The following DEUP1 variants were observed in gnomAD, a reference collection of about 807,000 sequenced individuals.
DEUP1 encodes deuterosome assembly protein 1, also known as coiled-coil domain containing 67.
A neutral mutation model predicts 87.4 loss-of-function variants in DEUP1; 82 were observed. That is an observed-to-expected ratio of 0.94 (90% confidence interval 0.78 to 1.13). DEUP1 has a LOEUF of 1.13. Among genes scored for constraint, DEUP1 ranks in the 50% most tolerant of loss-of-function variants. DEUP1 has a pLI of 0.00. For missense variants in DEUP1, 663 were observed against 681.5 expected (o/e 0.97, Z 0.30); for synonymous variants, 214 against 222.7 (o/e 0.96, Z 0.35).
chr11:93,415,142 T>C, intron 13 of DEUP1, 28 bp downstream of exon 13: 1 of 1,347,668 alleles, frequency 7.4e-7, no homozygotes, highest in Non-Finnish European at 1.1e-6. Context: ...GGCTTTTTTT[T>C]TCTTTAATGG....
In DEUP1 at chr11:93,354,278, A is replaced by T. The variant is rs182390591; in HGVS notation, c.30-1093A>T. ...TACTCCAGTTCCCAACAAGTTCCTC[A>T]TCTCCATCTGGGACCACCTCAGCCT... On this transcript the variant is annotated intron_variant, in intron 2 of 13. Coordinates refer to ENST00000298050, the MANE Select transcript of DEUP1 (RefSeq NM_181645.4). Among the ~76,000 whole-genome samples the T allele has an allele frequency of 2.4e-3, 358 of 152,216 alleles. 1 individual carries two copies. Among genetic ancestry groups the T allele is most frequent in the African/African-American group, 8.0e-3 (333 of 41,546 alleles).
chr11:93,356,682 C>T (rs1311158159), intron 3 of DEUP1, among the ~76,000 whole-genome samples: 2 of 152,126 alleles, frequency 1.3e-5, no homozygotes, highest in African/African-American at 4.8e-5. Flanking sequence ...AAAGTAAATT[C>T]TAACCCTGAA....
intron 2 of DEUP1, among the ~76,000 whole-genome samples, chr11:93,343,825 A>G (rs1217580620): frequency 1.3e-5 from 2 of 152,212 alleles, no homozygotes; most frequent in East Asian, 3.8e-4. Flanking sequence ...CAAGGCCTTT[A>G]TAAGTACATT....
chr11:93,428,668 A>C (rs1591274387), intron 13 of DEUP1, among the ~76,000 whole-genome samples: 1 of 152,200 alleles, frequency 6.6e-6, no homozygotes. Context: ...AAGTTTTTAA[A>C]GTGTACTTAC....
chr11:93,336,368 A>G (rs1048503539), intron 2 of DEUP1, among the ~76,000 whole-genome samples: 12 of 151,048 alleles, frequency 7.9e-5, no homozygotes, highest in African/African-American at 2.9e-4. Flanking sequence ...GGGAATTACA[A>G]TTCGACATGA....
At chr11:93,362,177 C>T (rs778770635) in intron 4 of DEUP1, among the ~76,000 whole-genome samples, 9 of 151,918 alleles carry the variant, frequency 5.9e-5, no homozygotes, top group Non-Finnish European at 1.3e-4. Context: ...TTAGATATGG[C>T]ATCAAAAGGA....
chr11:93,368,167 A>G (rs1024282681), intron 5 of DEUP1, among the ~76,000 whole-genome samples: 5 of 152,220 alleles, frequency 3.3e-5, no homozygotes, highest in African/African-American at 1.2e-4. Context: ...TGCTTCTACC[A>G]TTTCTTTCCC....
intron 7 of DEUP1, among the ~76,000 whole-genome samples, chr11:93,373,989 G>A (rs1302662781): frequency 6.6e-6 from 1 of 152,092 alleles, no homozygotes; most frequent in Non-Finnish European, 1.5e-5. Flanking sequence ...GCAGGAGTAA[G>A]GTGGTATTGC....
At chr11:93,430,962 G>A (rs1030370379) in intron 13 of DEUP1, among the ~76,000 whole-genome samples, 1 of 151,948 alleles carries the variant, frequency 6.6e-6, no homozygotes, top group African/African-American at 2.4e-5. Context: ...TGGGCGTGGT[G>A]GCACATGCCT....
chr11:93,343,298 T>A (rs1463575286), intron 2 of DEUP1, among the ~76,000 whole-genome samples: 1 of 152,196 alleles, frequency 6.6e-6, no homozygotes, highest in Non-Finnish European at 1.5e-5. Context: ...AATAACTACC[T>A]TCAAACACAC....
chr11:93,396,708 T>C (rs1037358810), intron 11 of DEUP1, among the ~76,000 whole-genome samples: 11 of 152,198 alleles, frequency 7.2e-5, no homozygotes, highest in African/African-American at 2.4e-4. Context: ...ATTTAGTTCG[T>C]ATTTTGTTCT....
At chr11:93,412,178 A>T (rs114406416) in intron 12 of DEUP1, among the ~76,000 whole-genome samples, 2 of 152,200 alleles carry the variant, frequency 1.3e-5, no homozygotes, top group African/African-American at 2.4e-5. Flanking sequence ...CTGGATGTAC[A>T]TGTCCAACAA....
At chr11:93,416,555 A>C (rs1289608702) in intron 13 of DEUP1, among the ~76,000 whole-genome samples, 1 of 151,872 alleles carries the variant, frequency 6.6e-6, no homozygotes, top group Non-Finnish European at 1.5e-5. Flanking sequence ...CCAACCAAAA[A>C]GAGTCCAGGA....
rs79310255 is a variant in DEUP1 at position 93,372,929 on chromosome 11, C to T, written c.789+1649C>T. 7.7e-3 allele frequency among the ~76,000 whole-genome samples: 1,179 copies of T among 152,288 alleles called. 15 individuals carry two copies. Among genetic ancestry groups the T allele is most frequent in the African/African-American group, 0.027 (1,136 of 41,552 alleles). On this transcript the variant is annotated intron_variant, in intron 7 of 13. Coordinates refer to ENST00000298050, the MANE Select transcript of DEUP1 (RefSeq NM_181645.4). Reference sequence around the variant, plus strand: ...TAAGTGCTTAGCATCAGCCCACCTCCGACTGTCTGAGCTGTGTTTGCATGA... The same window carrying T: ...TAAGTGCTTAGCATCAGCCCACCTCTGACTGTCTGAGCTGTGTTTGCATGA...
rs1464932164 is a variant in DEUP1, at chr11:93,385,509, G to T, written c.901G>T (p.Gly301Ter). The T allele has an allele frequency of 6.2e-7, 1 of 1,609,228 alleles. No homozygotes were observed. Among genetic ancestry groups the T allele is most frequent in the African/African-American group, 1.3e-5 (1 of 74,674 alleles). The change falls in exon 8 of 14, where the codon GGA becomes TGA. Residue 301 changes from glycine to a stop codon, truncating the protein, a stop_gained. Transcript: ENST00000298050. LOFTEE classifies it high-confidence loss of function. Reference sequence around the variant, plus strand: ...ATTACACAGAGAATTATTAAAAATAGGAGAGTGCCAAAATGCTCAAGGAAA... The same window carrying T: ...ATTACACAGAGAATTATTAAAAATATGAGAGTGCCAAAATGCTCAAGGAAA... ...LQLHRELLKI[G>*]ECQNAQGNKT...
At position 93,356,930 on chromosome 11, in the gene DEUP1, A is replaced by T. The variant is rs758921053; in HGVS notation, c.202-18A>T. The T allele has an allele frequency of 1.4e-5, 22 of 1,539,322 alleles. No homozygotes were observed. In the East Asian group the frequency reaches 5.1e-4, roughly 35 times the overall value. ...CAAAATTTAGAAAAAGCAAAATTAAATTTTATTCTTCATGCAGGTAGGGTT... is the reference window on the plus strand; with the variant it reads ...CAAAATTTAGAAAAAGCAAAATTAATTTTTATTCTTCATGCAGGTAGGGTT... On this transcript the variant is annotated intron_variant, in intron 3 of 13. Coordinates refer to ENST00000298050, the MANE Select transcript of DEUP1 (RefSeq NM_181645.4).
chr11:93,368,793 G>T lies in DEUP1; in HGVS notation c.433-1280G>T, dbSNP rs773355294. Among the ~76,000 whole-genome samples the T allele has an allele frequency of 2.0e-5, 3 of 151,940 alleles. No homozygotes were observed. The East Asian group carries it at 5.8e-4, about 29-fold the overall frequency. On this transcript the variant is annotated intron_variant, in intron 5 of 13. Coordinates refer to ENST00000298050, the MANE Select transcript of DEUP1 (RefSeq NM_181645.4). ...CTACTAAAAATACAAAAAATTATCC[G>T]GGTGTAGTGGCACGTGACTGTAATC... is the stretch of plus-strand genomic sequence containing the variant.
At chr11:93,419,935 C>CA (rs1379430553) in intron 13 of DEUP1, among the ~76,000 whole-genome samples, 2 of 150,686 alleles carry the variant, frequency 1.3e-5, no homozygotes, top group African/African-American at 4.9e-5. Context: ...GCTTACCAAC[C>CA]AAAAAAGGTC....
At chr11:93,436,064 C>G (rs1297463775) in intron 13 of DEUP1, among the ~76,000 whole-genome samples, 1 of 151,910 alleles carries the variant, frequency 6.6e-6, no homozygotes, top group Non-Finnish European at 1.5e-5. Flanking sequence ...TTATTTGATC[C>G]AAGGGTGGAA....
Sources: allele counts gnomAD v4.1 joint callset (sites outside exome capture counted in the v4.1 genomes callset), GRCh38; gene constraint gnomAD v4.1.1; transcripts MANE v1.5; gene names NCBI Gene and HGNC (gene_info 2026-07-23, HGNC 2026-07-21).